MAF: variants seen among roughly 807,000 people sequenced by gnomAD.
The protein encoded by MAF is MAF bZIP transcription factor, also known as transcription factor Maf.
In MAF, 10 loss-of-function variants were observed where a neutral mutation model predicts 22.0. That is an observed-to-expected ratio of 0.45 (90% CI 0.28 to 0.77). MAF has a LOEUF of 0.77. MAF is among the 30% of genes least tolerant of loss of function. MAF has a pLI of 0.12. For synonymous variants in MAF, 337 were observed against 255.8 expected (o/e 1.32, Z -3.03); for missense variants, 544 against 548.4 (o/e 0.99, Z 0.08).
At chr16:79,349,490 C>T in the MAF span, among the ~76,000 whole-genome samples, 1 of 152,182 alleles carries the variant, frequency 6.6e-6, no homozygotes, top group African/African-American at 2.4e-5. Flanking sequence ...TTGCCAATTT[C>T]AAAAACAACT....
downstream of MAF, among the ~76,000 whole-genome samples, chr16:79,590,415 A>G (rs1244583697): frequency 6.6e-6 from 1 of 152,136 alleles, no homozygotes; most frequent in African/African-American, 2.4e-5. Flanking sequence ...GTCTACACTT[A>G]AAGTGGGGCG....
At chr16:79,431,883 T>G in the MAF span, among the ~76,000 whole-genome samples, 11 of 152,180 alleles carry the variant, frequency 7.2e-5, no homozygotes. Context: ...TGTTACAGGT[T>G]GAATTGCCAC....
the MAF span, among the ~76,000 whole-genome samples, chr16:79,570,226 AC>A: frequency 6.6e-6 from 1 of 152,056 alleles, no homozygotes; most frequent in Non-Finnish European, 1.5e-5. Context: ...TTCTAACACT[AC>A]CTAAGCATCC....
the MAF span, among the ~76,000 whole-genome samples, chr16:79,557,504 G>T: frequency 4.6e-5 from 7 of 152,036 alleles, no homozygotes; most frequent in Non-Finnish European, 8.8e-5. Context: ...GTGGGCATTT[G>T]TTCTAGTCTA....
the MAF span, among the ~76,000 whole-genome samples, chr16:79,454,591 T>C: frequency 6.6e-6 from 1 of 152,196 alleles, no homozygotes; most frequent in Admixed American, 6.5e-5. Context: ...ATGCAGCCCA[T>C]TTCCCCTAAA....
chr16:79,311,954 A>G, the MAF span, among the ~76,000 whole-genome samples: 2 of 152,120 alleles, frequency 1.3e-5, no homozygotes, highest in Non-Finnish European at 2.9e-5. Context: ...CGGAGAGGGA[A>G]GAGGAGGGCT....
chr16:79,337,062 T>C, the MAF span, among the ~76,000 whole-genome samples: 1 of 152,198 alleles, frequency 6.6e-6, no homozygotes, highest in Non-Finnish European at 1.5e-5. Flanking sequence ...GCATGCTCCC[T>C]GCAAACCTTC....
the MAF span, among the ~76,000 whole-genome samples, chr16:79,393,311 G>A: frequency 5.5e-4 from 84 of 152,282 alleles, 2 homozygotes; most frequent in East Asian, 0.016. Context: ...TTGCAGGGTG[G>A]GTCCAGTGGC....
the MAF span, among the ~76,000 whole-genome samples, chr16:79,490,350 C>G: frequency 3.3e-5 from 5 of 152,168 alleles, no homozygotes; most frequent in Non-Finnish European, 5.9e-5. Context: ...TCAAAACTTT[C>G]TATACCCAAG....
At chr16:79,359,508 G>A in the MAF span, among the ~76,000 whole-genome samples, 1 of 152,286 alleles carries the variant, frequency 6.6e-6, no homozygotes, top group African/African-American at 2.4e-5. Flanking sequence ...AATGCTTAAT[G>A]TGCTCTATCA....
chr16:79,322,760 G>A, the MAF span, among the ~76,000 whole-genome samples: 1 of 152,018 alleles, frequency 6.6e-6, no homozygotes, highest in South Asian at 2.1e-4. Flanking sequence ...AGAGCTCAGA[G>A]GTGAGAGGCC....
the MAF span, among the ~76,000 whole-genome samples, chr16:79,461,291 G>A: frequency 7.2e-5 from 11 of 152,108 alleles, no homozygotes; most frequent in Non-Finnish European, 1.3e-4. Flanking sequence ...AAATTTCAGT[G>A]GGTTAACACA....
At chr16:79,470,791 G>A in the MAF span, among the ~76,000 whole-genome samples, 1 of 152,144 alleles carries the variant, frequency 6.6e-6, no homozygotes, top group Non-Finnish European at 1.5e-5. Flanking sequence ...TGGATGGATG[G>A]GTGAACGGAT....
chr16:79,539,292 GCAGGAGTTTAAAC>G, the MAF span, among the ~76,000 whole-genome samples: 1 of 152,128 alleles, frequency 6.6e-6, no homozygotes, highest in Non-Finnish European at 1.5e-5. Flanking sequence ...TAACCTGAGG[GCAGGAGTTTAAAC>G]CAGCCTGGCC....
the MAF span, among the ~76,000 whole-genome samples, chr16:79,473,558 T>C: frequency 1.3e-5 from 2 of 152,116 alleles, no homozygotes; most frequent in South Asian, 2.1e-4. Context: ...AGAGGACACA[T>C]CTACCAGCCT....
At chr16:79,501,901 T>A in the MAF span, among the ~76,000 whole-genome samples, 14 of 152,326 alleles carry the variant, frequency 9.2e-5, no homozygotes, top group East Asian at 2.7e-3. Flanking sequence ...CTCTGTATTT[T>A]TCCCCCGCCA....
chr16:79,397,413 T>C, the MAF span, among the ~76,000 whole-genome samples: 1 of 152,360 alleles, frequency 6.6e-6, no homozygotes, highest in East Asian at 1.9e-4. Context: ...AATAATGAAG[T>C]CGTGTGATAT....
the MAF span, among the ~76,000 whole-genome samples, chr16:79,522,397 C>G: frequency 3.1e-4 from 47 of 152,320 alleles, no homozygotes; most frequent in African/African-American, 1.1e-3. Flanking sequence ...GCCCCACCAC[C>G]CCCAACAGAG....
the MAF span, among the ~76,000 whole-genome samples, chr16:79,294,512 T>C: frequency 2.0e-5 from 3 of 152,196 alleles, no homozygotes; most frequent in Admixed American, 6.5e-5. Flanking sequence ...ATGCCACTGA[T>C]AGAATTTGAA....
Sources: allele counts gnomAD v4.1 joint callset (sites outside exome capture counted in the v4.1 genomes callset), GRCh38; gene constraint gnomAD v4.1.1; transcripts MANE v1.5; gene names NCBI Gene and HGNC (gene_info 2026-07-23, HGNC 2026-07-21).